The following FREM1 variants were observed in gnomAD, a reference collection of about 807,000 sequenced individuals.
FREM1 encodes FRAS1-related extracellular matrix protein 1.
FREM1 carries 220 observed loss-of-function variants against 210.1 expected under a neutral mutation model. The observed-to-expected ratio is 1.05, with a 90% CI of 0.94 to 1.17. The LOEUF (loss-of-function observed/expected upper bound fraction) is 1.17. Ranked by LOEUF, FREM1 falls within the 50% of genes most tolerant of loss-of-function variation. The pLI is 0.00. For synonymous variants in FREM1, 1,189 were observed against 980.2 expected (o/e 1.21, Z -3.98); for missense variants, 3,454 against 2,675.5 (o/e 1.29, Z -6.42).
intron 1 of FREM1, among the ~76,000 whole-genome samples, chr9:14,889,038 T>C (rs1205831375): frequency 6.6e-6 from 1 of 152,232 alleles, no homozygotes; most frequent in African/African-American, 2.4e-5. Flanking sequence ...TGCTTTTAAT[T>C]TGTGCATTAT....
intron 8 of FREM1, among the ~76,000 whole-genome samples, chr9:14,844,225 C>CTT (rs35686371): frequency 3.3e-4 from 46 of 138,790 alleles, no homozygotes; most frequent in Non-Finnish European, 4.7e-4. Flanking sequence ...ACAACTCTTC[C>CTT]TTTTTTTTTT....
chr9:14,779,001 A>C (rs1217225869), intron 24 of FREM1, among the ~76,000 whole-genome samples: 2 of 152,210 alleles, frequency 1.3e-5, no homozygotes, highest in African/African-American at 4.8e-5. Context: ...TTTTAGGTAT[A>C]AAATTATGCT....
chr9:14,779,339 T>A (rs1408343209), intron 24 of FREM1: 1 of 253,964 alleles, frequency 3.9e-6, no homozygotes, highest in Non-Finnish European at 6.2e-6. Flanking sequence ...ATTTTTAGCA[T>A]TAGCATTAAT....
At chr9:14,897,613 C>T (rs570017716) in intron 1 of FREM1, among the ~76,000 whole-genome samples, 51 of 149,694 alleles carry the variant, frequency 3.4e-4, no homozygotes, top group African/African-American at 1.2e-3. Flanking sequence ...TTTTAAGAGA[C>T]GGAGTCTTGC....
chr9:14,886,219 T>C (rs1044212384), intron 1 of FREM1, among the ~76,000 whole-genome samples: 1 of 151,912 alleles, frequency 6.6e-6, no homozygotes. Flanking sequence ...ACCCTGTCTC[T>C]ACTAAAAATA....
intron 16 of FREM1, among the ~76,000 whole-genome samples, chr9:14,811,854 C>T (rs1171321950): frequency 1.3e-5 from 2 of 151,964 alleles, no homozygotes; most frequent in Non-Finnish European, 2.9e-5. Flanking sequence ...TTTCCTATAC[C>T]ACTCACCTGG....
At chr9:14,764,987 T>A (rs1473310635) in intron 27 of FREM1, among the ~76,000 whole-genome samples, 1 of 152,166 alleles carries the variant, frequency 6.6e-6, no homozygotes, top group Non-Finnish European at 1.5e-5. Context: ...ATGATAAGTC[T>A]GTACTTCAAA....
rs1219915560 is a variant in FREM1 at position 14,848,689 on chromosome 9, C to A, written c.1237G>T (p.Ala413Ser). The stretch of plus-strand genomic sequence containing the variant: ...CCTGTATTCCAGGATACACGGGGGG[C>A]ATTTGTATCTGCTGTTCTGATGGAG... ...HISIRTADTN[A>S]PRVSWNTGLS... The change falls in exon 7 of 37, where the codon GCC (alanine) becomes TCC (serine). Residue 413 changes from alanine (A) to serine (S), a missense_variant. Ala to Ser is a moderately conservative substitution (Grantham distance 99). Coordinates refer to ENST00000380880, the MANE Select transcript of FREM1 (RefSeq NM_001379081.2). 6.2e-7 allele frequency: 1 copy of A among 1,609,408 alleles called. No individual in the cohort carries two copies.
intron 7 of FREM1, among the ~76,000 whole-genome samples, chr9:14,846,513 A>G (rs1161944527): frequency 6.6e-6 from 1 of 152,164 alleles, no homozygotes; most frequent in Non-Finnish European, 1.5e-5. Context: ...TATACCCCAG[A>G]ACTTAAATTT....
chr9:14,893,231 A>G (rs7864723), intron 1 of FREM1, among the ~76,000 whole-genome samples: 35 of 152,090 alleles, frequency 2.3e-4, no homozygotes, highest in African/African-American at 8.2e-4. Flanking sequence ...TCCTCTGTAA[A>G]GTTTTGATTA....
intron 13 of FREM1, among the ~76,000 whole-genome samples, chr9:14,819,908 G>T (rs1037173559): frequency 3.3e-5 from 5 of 152,200 alleles, no homozygotes; most frequent in African/African-American, 7.2e-5. Context: ...CTTGGGAAAT[G>T]GATTGGAGCT....
rs1218944323 is a variant in FREM1 at position 14,842,467 on chromosome 9, C to G, written c.1587G>C (p.Val529=). 6.2e-7 allele frequency: 1 copy of G among 1,613,924 alleles called. No individual in the cohort carries two copies. The highest frequency in any genetic ancestry group is 1.3e-5 in the African/African-American group (1 of 74,924). The change falls in exon 9 of 37, where the codon GTG becomes GTC. Residue 529 remains valine (V), a synonymous_variant. Transcript: ENST00000380880. ...DSPPFLITNV[V]IELEEGQTIL... is the part of the protein sequence containing the mutation. Reference sequence around the variant, plus strand: ...TGGTCTGCCCCTCCTCCAGTTCAATCACAACATTGGTTATGAGGAACGGGG... The same window carrying G: ...TGGTCTGCCCCTCCTCCAGTTCAATGACAACATTGGTTATGAGGAACGGGG...
intron 10 of FREM1, among the ~76,000 whole-genome samples, chr9:14,837,011 G>A (rs1824752019): frequency 6.6e-6 from 1 of 152,132 alleles, no homozygotes. Context: ...TAGTCAGGTG[G>A]GCAACCTTTG....
intron 11 of FREM1, 79 bp from the exon 12 acceptor site, chr9:14,824,194 T>A (rs1180001733): frequency 1.3e-5 from 11 of 837,718 alleles, no homozygotes; most frequent in Non-Finnish European, 2.0e-5. Flanking sequence ...AATCAAAAAC[T>A]GAAAGACTTC....
chr9:14,745,239 C>G (rs920500468), intron 35 of FREM1, among the ~76,000 whole-genome samples: 1 of 152,102 alleles, frequency 6.6e-6, no homozygotes, highest in African/African-American at 2.4e-5. Context: ...AGGTAACAAG[C>G]CTGCACATTT....
In FREM1 at chr9:14,808,120, G is replaced by A; in HGVS notation, c.2908C>T (p.Leu970=). ...GTAATGGTGTCAAAACAAGGCATCA[G>A]GCCAATCTCGCCACCTGGAAGACAC... is the stretch of plus-strand genomic sequence containing the variant. ...TYKHTGGEIG[L]MPCFDTITLV... The change falls in exon 17 of 37, where the codon CTG becomes TTG. Residue 970 remains leucine (L), a synonymous_variant. Transcript: ENST00000380880. The A allele has an allele frequency of 6.3e-7, 1 of 1,598,298 alleles. No homozygotes were observed. Among genetic ancestry groups the A allele is most frequent in the African/African-American group, 1.3e-5 (1 of 74,628 alleles).
chr9:14,780,147 G>A (rs145240810), intron 24 of FREM1, among the ~76,000 whole-genome samples: 1 of 152,124 alleles, frequency 6.6e-6, no homozygotes, highest in Non-Finnish European at 1.5e-5. Context: ...TATCCATTCT[G>A]AGGTGAAGAA....
chr9:14,903,159 A>G (rs978349593), intron 1 of FREM1, among the ~76,000 whole-genome samples: 2 of 152,208 alleles, frequency 1.3e-5, no homozygotes, highest in African/African-American at 4.8e-5. Context: ...AAGTAAAGTC[A>G]TTTTTATAAA....
intron 20 of FREM1, among the ~76,000 whole-genome samples, chr9:14,801,127 A>G (rs1316371996): frequency 6.6e-6 from 1 of 152,108 alleles, no homozygotes; most frequent in South Asian, 2.1e-4. Context: ...CCTCCTGAGT[A>G]GCTGGGATTA....
Sources: gnomAD v4.1 joint callset for allele counts (sites outside exome capture counted in the v4.1 genomes callset) on GRCh38, gnomAD v4.1.1 for gene constraint, MANE v1.5 for transcripts, NCBI Gene and HGNC (gene_info 2026-07-23, HGNC 2026-07-21) for gene names.